Variants in NAALADL2 observed in about 807,000 individuals in gnomAD.
The protein encoded by NAALADL2 is inactive N-acetylated-alpha-linked acidic dipeptidase-like protein 2.
NAALADL2 carries 76 observed loss-of-function variants against 87.2 expected under a neutral mutation model. The observed-to-expected ratio is 0.87, with a 90% CI of 0.72 to 1.05. NAALADL2 has a LOEUF of 1.05. Ranked by LOEUF, NAALADL2 falls within the 50% of genes least tolerant of loss-of-function variation. The pLI is 0.00. For missense variants in NAALADL2, 1,089 were observed against 945.8 expected, an observed-to-expected ratio of 1.15 and a Z score of -1.99; for synonymous variants, 354 against 331.0, an observed-to-expected ratio of 1.07 and a Z score of -0.75.
Position 174,689,588 on chromosome 3 carries a change from T to G in NAALADL2, c.-114-48053T>G, listed in dbSNP as rs1728374215. On this transcript the variant is annotated intron_variant, in intron 2 of 3. Coordinates refer to the NAALADL2 transcript ENST00000434257. ...CCAGGCCATACCCTAGATGAAAATC[T>G]CCAGGTAGTTCTCCTCTATATTATA... is the stretch of plus-strand genomic sequence containing the variant. Among the ~76,000 whole-genome samples the G allele has an allele frequency of 3.3e-5, 5 of 151,970 alleles. No homozygotes were observed. The South Asian group carries it at 1.0e-3, about 31-fold the overall frequency.
chr3:175,108,944 C>A (rs147823917), intron 2 of NAALADL2, among the ~76,000 whole-genome samples: 366 of 151,616 alleles, frequency 2.4e-3, no homozygotes, highest in African/African-American at 8.5e-3. Flanking sequence ...GATTTTTTTT[C>A]TTCATCCTGT....
chr3:175,141,338 C>T (rs116765972), intron 2 of NAALADL2, among the ~76,000 whole-genome samples: 2,371 of 152,068 alleles, frequency 0.016, 32 homozygotes, highest in Non-Finnish European at 0.026. Flanking sequence ...TTATGGGGAC[C>T]ACTGTTGCAG....
chr3:174,966,859 G>T (rs4425273), intron 1 of NAALADL2, among the ~76,000 whole-genome samples: 98,377 of 151,952 alleles, frequency 0.65, 33,486 homozygotes, highest in African/African-American at 0.87. Flanking sequence ...AAATTGAGAC[G>T]ATCTGAATCC....
chr3:175,667,742 T>C (rs965908171), intron 11 of NAALADL2, among the ~76,000 whole-genome samples: 1 of 141,968 alleles, frequency 7.0e-6, no homozygotes, highest in Non-Finnish European at 1.5e-5. Context: ...TGTTTTTTGC[T>C]GTTTTTTTTT....
chr3:174,635,906 T>C (rs1328656732), intron 2 of NAALADL2, among the ~76,000 whole-genome samples: 1 of 152,190 alleles, frequency 6.6e-6, no homozygotes, highest in Admixed American at 6.5e-5. Context: ...TGAGAGATAG[T>C]CATAGAAGGA....
chr3:174,762,677 A>G (rs997247217), intron 3 of NAALADL2, among the ~76,000 whole-genome samples: 1 of 152,034 alleles, frequency 6.6e-6, no homozygotes, highest in African/African-American at 2.4e-5. Flanking sequence ...TCAAAATACA[A>G]AACATTGCCC....
chr3:174,948,489 T>G (rs2108501613), intron 1 of NAALADL2, among the ~76,000 whole-genome samples: 1 of 152,286 alleles, frequency 6.6e-6, no homozygotes, highest in Middle Eastern at 3.4e-3. Flanking sequence ...AATTTATTTT[T>G]TTATGAATGT....
intron 10 of NAALADL2, among the ~76,000 whole-genome samples, chr3:175,589,132 AG>A (rs1252601387): frequency 6.6e-6 from 1 of 152,216 alleles, no homozygotes; most frequent in Non-Finnish European, 1.5e-5. Flanking sequence ...GAAAGAAAGA[AG>A]GGAGTGTTGG....
chr3:175,243,321 A>AACACACACACAC (rs113418317), intron 3 of NAALADL2, among the ~76,000 whole-genome samples: 246 of 144,632 alleles, frequency 1.7e-3, no homozygotes, highest in Middle Eastern at 7.3e-3. Flanking sequence ...TTTAGAAGGA[A>AACACACACACAC]ACACACACAC....
At chr3:174,666,300 A>G (rs1397319507) in intron 2 of NAALADL2, among the ~76,000 whole-genome samples, 1 of 152,194 alleles carries the variant, frequency 6.6e-6, no homozygotes, top group Non-Finnish European at 1.5e-5. Flanking sequence ...CATAGATGAC[A>G]GCACAAACCA....
intron 1 of NAALADL2, among the ~76,000 whole-genome samples, chr3:175,015,245 C>A (rs145496392): frequency 8.5e-5 from 13 of 152,164 alleles, no homozygotes; most frequent in African/African-American, 2.4e-4. Flanking sequence ...TGAAAGGAAA[C>A]CATGACAACA....
intron 11 of NAALADL2, among the ~76,000 whole-genome samples, chr3:175,671,194 T>A (rs1733963135): frequency 6.6e-6 from 1 of 150,568 alleles, no homozygotes; most frequent in Non-Finnish European, 1.5e-5. Context: ...TAACTTGAAC[T>A]TTTTTACTTA....
intron 2 of NAALADL2, among the ~76,000 whole-genome samples, chr3:175,140,195 G>T (rs1379346534): frequency 3.3e-5 from 5 of 152,136 alleles, no homozygotes; most frequent in South Asian, 2.1e-4. Flanking sequence ...TAGTTGTGAA[G>T]ATTAAATTAA....
intron 4 of NAALADL2, among the ~76,000 whole-genome samples, chr3:175,287,203 A>G (rs896420519): frequency 6.6e-6 from 1 of 152,234 alleles, no homozygotes; most frequent in Non-Finnish European, 1.5e-5. Context: ...AAAGTGCTAT[A>G]AATTATTTTA....
At chr3:175,018,498 T>G (rs56353544) in intron 1 of NAALADL2, among the ~76,000 whole-genome samples, 14,962 of 152,072 alleles carry the variant, frequency 0.098, 2,409 homozygotes, top group African/African-American at 0.34. Context: ...TCAGACATAG[T>G]AAATATAACA....
intron 1 of NAALADL2, among the ~76,000 whole-genome samples, chr3:175,033,435 T>G (rs1212916645): frequency 6.6e-6 from 1 of 152,104 alleles, no homozygotes; most frequent in African/African-American, 2.4e-5. Context: ...GTCACTCACC[T>G]GGAAAGGCAC....
At chr3:174,474,161 C>T (rs547725254) in intron 1 of NAALADL2, among the ~76,000 whole-genome samples, 77 of 152,220 alleles carry the variant, frequency 5.1e-4, no homozygotes, top group African/African-American at 1.8e-3. Context: ...TATAAAATAG[C>T]ATCTCATCTT....
intron 1 of NAALADL2, among the ~76,000 whole-genome samples, chr3:174,517,949 C>T (rs536726565): frequency 2.6e-5 from 4 of 152,152 alleles, no homozygotes; most frequent in Admixed American, 2.6e-4. Flanking sequence ...TCTCAAATGC[C>T]TGTAGAGGCA....
chr3:175,416,859 G>T (rs1446753878), intron 5 of NAALADL2, among the ~76,000 whole-genome samples: 2 of 151,966 alleles, frequency 1.3e-5, no homozygotes, highest in African/African-American at 4.8e-5. Flanking sequence ...AATGTATGTG[G>T]ATGATAATGT....
Sources: allele counts gnomAD v4.1 joint callset (sites outside exome capture counted in the v4.1 genomes callset), GRCh38; gene constraint gnomAD v4.1.1; transcripts MANE v1.5; gene names NCBI Gene and HGNC (gene_info 2026-07-23, HGNC 2026-07-21).